Variants in KIAA0825 observed in about 807,000 individuals in gnomAD.
KIAA0825 encodes the protein uncharacterized protein KIAA0825.
KIAA0825 carries 119 observed loss-of-function variants against 147.6 expected under a neutral mutation model. That is an observed-to-expected ratio of 0.81 (90% CI 0.69 to 0.94). KIAA0825 has a LOEUF of 0.94. KIAA0825 is among the 40% of genes least tolerant of loss of function. The pLI is 0.00. For synonymous variants in KIAA0825, 470 were observed against 518.1 expected (o/e 0.91, Z 1.26); for missense variants, 1,381 against 1,472.7 (o/e 0.94, Z 1.02).
intron 5 of KIAA0825, among the ~76,000 whole-genome samples, chr5:94,500,788 A>AT (rs1305989266): frequency 6.6e-6 from 1 of 151,998 alleles, no homozygotes; most frequent in Non-Finnish European, 1.5e-5. Flanking sequence ...TACTATTATT[A>AT]TTTTTTGTGA....
chr5:94,300,887 T>G (rs1778366808), intron 20 of KIAA0825, among the ~76,000 whole-genome samples: 1 of 152,262 alleles, frequency 6.6e-6, no homozygotes, highest in South Asian at 2.1e-4. Flanking sequence ...AAGGGAGACA[T>G]CAATGCTGTC....
intron 1 of KIAA0825, among the ~76,000 whole-genome samples, chr5:94,586,015 G>A (rs1240724059): frequency 5.9e-5 from 9 of 152,244 alleles, no homozygotes; most frequent in Admixed American, 2.0e-4. Flanking sequence ...TAACATACCC[G>A]AATCTCAGGG....
intron 20 of KIAA0825, among the ~76,000 whole-genome samples, chr5:94,261,480 ACC>A: frequency 6.6e-6 from 1 of 152,268 alleles, no homozygotes; most frequent in East Asian, 1.9e-4. Context: ...GAATGAAAAC[ACC>A]CAGTTGCATT....
At chr5:94,519,664 T>G (rs1257530455) in intron 5 of KIAA0825, 1 of 654,166 alleles carries the variant, frequency 1.5e-6, no homozygotes, top group African/African-American at 2.0e-5. Flanking sequence ...ATTATAGTAT[T>G]TCATAGTTGC....
At chr5:94,321,642 T>C (rs1199753054) in intron 20 of KIAA0825, among the ~76,000 whole-genome samples, 2 of 152,098 alleles carry the variant, frequency 1.3e-5, no homozygotes, top group Non-Finnish European at 2.9e-5. Flanking sequence ...AAACACAGTT[T>C]TCATATGCAA....
intron 13 of KIAA0825, among the ~76,000 whole-genome samples, chr5:94,447,603 A>G (rs1244394943): frequency 6.6e-6 from 1 of 152,156 alleles, no homozygotes; most frequent in East Asian, 1.9e-4. Context: ...GACACCTAGC[A>G]TAATGCCTTA....
chr5:94,357,190 G>A (rs1443220631), intron 20 of KIAA0825, among the ~76,000 whole-genome samples: 1 of 152,154 alleles, frequency 6.6e-6, no homozygotes, highest in Non-Finnish European at 1.5e-5. Flanking sequence ...CGCATCTACA[G>A]ACATTTCCTT....
At chr5:94,306,691 G>T (rs1400955978) in intron 20 of KIAA0825, among the ~76,000 whole-genome samples, 3 of 151,716 alleles carry the variant, frequency 2.0e-5, no homozygotes, top group Non-Finnish European at 4.4e-5. Context: ...AGAGATATTA[G>T]AGGGAAATTA....
intron 6 of KIAA0825, among the ~76,000 whole-genome samples, chr5:94,482,818 T>A (rs1762637329): frequency 6.6e-6 from 1 of 152,084 alleles, no homozygotes; most frequent in African/African-American, 2.4e-5. Context: ...GTTCTAGTAC[T>A]GAGACACTTC....
chr5:94,355,749 T>C (rs7378850), intron 20 of KIAA0825, among the ~76,000 whole-genome samples: 113,376 of 152,152 alleles, frequency 0.75, 43,485 homozygotes, highest in African/African-American at 0.93. Flanking sequence ...TCAAATCTCA[T>C]CTCAAACAAT....
intron 20 of KIAA0825, among the ~76,000 whole-genome samples, chr5:94,324,442 T>C (rs560501450): frequency 6.6e-6 from 1 of 152,066 alleles, no homozygotes; most frequent in South Asian, 2.1e-4. Context: ...ATAAAGAGGA[T>C]GCAATTTTCT....
At position 94,403,771 on chromosome 5, in the gene KIAA0825, C is replaced by T. The variant is rs1751690818; in HGVS notation, c.2685G>A (p.Glu895=). ...NIPVSTCVEY[E]LEVIRCLRLA... is the part of the protein sequence containing the mutation. ...GTCTCAAGCATCGGATGACCTCTAGCTCGTACTCCACGCACGTTGAGACTT... is the reference window on the plus strand; with the variant it reads ...GTCTCAAGCATCGGATGACCTCTAGTTCGTACTCCACGCACGTTGAGACTT... Residue 895 remains glutamate (E), a synonymous_variant, in exon 16 of 21, where the codon GAG becomes GAA. Transcript: ENST00000682413. 6.4e-7 allele frequency: 1 copy of T among 1,551,352 alleles called. No homozygotes were observed. The highest frequency in any genetic ancestry group is 2.0e-5 in the Admixed American group (1 of 50,966).
At chr5:94,312,875 C>T (rs1779310346) in intron 20 of KIAA0825, among the ~76,000 whole-genome samples, 1 of 151,622 alleles carries the variant, frequency 6.6e-6, no homozygotes, top group Non-Finnish European at 1.5e-5. Flanking sequence ...TCCCCCAAAA[C>T]ATTTTTGATA....
intron 20 of KIAA0825, among the ~76,000 whole-genome samples, chr5:94,331,386 C>T (rs1246250708): frequency 2.0e-5 from 3 of 152,010 alleles, no homozygotes; most frequent in Non-Finnish European, 4.4e-5. Context: ...TAATAGATAA[C>T]AAGAATAGGT....
intron 6 of KIAA0825, among the ~76,000 whole-genome samples, chr5:94,477,595 A>C (rs1057488409): frequency 1.3e-5 from 2 of 152,154 alleles, no homozygotes; most frequent in South Asian, 4.1e-4. Context: ...TAAAAAGTTA[A>C]TTCTAAAGTA....
chr5:94,562,872 G>A (rs1777796514), intron 2 of KIAA0825, among the ~76,000 whole-genome samples: 2 of 152,240 alleles, frequency 1.3e-5, no homozygotes, highest in South Asian at 4.2e-4. Context: ...GACTGCAGGG[G>A]AGAAACTACT....
At chr5:94,556,395 T>C in intron 2 of KIAA0825, among the ~76,000 whole-genome samples, 1 of 152,198 alleles carries the variant, frequency 6.6e-6, no homozygotes, top group East Asian at 1.9e-4. Flanking sequence ...AATTACATTT[T>C]AAAGAAACTC....
chr5:94,611,485 C>T (rs984688419), intron 1 of KIAA0825, among the ~76,000 whole-genome samples: 8 of 151,882 alleles, frequency 5.3e-5, no homozygotes, highest in African/African-American at 1.9e-4. Flanking sequence ...TTATGGATCT[C>T]TACGTTTACT....
intron 20 of KIAA0825, among the ~76,000 whole-genome samples, chr5:94,356,721 A>ATTTTTTTT (rs1156680490): frequency 8.9e-6 from 1 of 112,544 alleles, no homozygotes; most frequent in African/African-American, 3.6e-5. Context: ...GTTTAACTTG[A>ATTTTTTTT]TTTCTTTTTT....
Sources: allele counts gnomAD v4.1 joint callset (sites outside exome capture counted in the v4.1 genomes callset), GRCh38; gene constraint gnomAD v4.1.1; transcripts MANE v1.5; gene names NCBI Gene and HGNC (gene_info 2026-07-23, HGNC 2026-07-21).